Variants in ASAP3 observed in about 807,000 individuals in gnomAD.
ASAP3 encodes the protein ArfGAP with SH3 domain, ankyrin repeat and PH domain 3, also known as arf-GAP with SH3 domain, ANK repeat and PH domain-containing protein 3.
In ASAP3, 85 loss-of-function variants were observed where a neutral mutation model predicts 118.2. The observed-to-expected ratio is 0.72, with a 90% CI of 0.60 to 0.86. The LOEUF (loss-of-function observed/expected upper bound fraction) is 0.86, where lower values mean the gene tolerates loss of function less well. Among genes scored for constraint, ASAP3 ranks in the 40% least tolerant of loss-of-function variants. The pLI, the probability that ASAP3 is intolerant of heterozygous loss-of-function variation, is 0.00. For synonymous variants in ASAP3, 432 were observed against 477.4 expected (o/e 0.90, Z 1.24); for missense variants, 1,026 against 1,175.0 (o/e 0.87, Z 1.85).
At chr1:23,456,222 G>T in intron 1 of ASAP3, 28 bp from the exon 2 acceptor site, 1 of 1,608,324 alleles carries the variant, frequency 6.2e-7, no homozygotes, top group South Asian at 1.1e-5. Flanking sequence ...CAGAGGTTCA[G>T]GGATGCCAAG....
chr1:23,432,004 A>ATTT, intron 22 of ASAP3, 86 bp from the exon 23 acceptor site: 38 of 622,418 alleles, frequency 6.1e-5, no homozygotes, highest in African/African-American at 1.4e-4. Context: ...GGCCTCTAGG[A>ATTT]TTTTTTTTTT....
At chr1:23,460,782 T>C (rs1037886037) in intron 1 of ASAP3, among the ~76,000 whole-genome samples, 1 of 152,186 alleles carries the variant, frequency 6.6e-6, no homozygotes, top group Admixed American at 6.5e-5. Context: ...ATCAGCTTTA[T>C]TCATAATTAC....
chr1:23,468,882 A>G (rs1354884280), intron 1 of ASAP3, among the ~76,000 whole-genome samples: 2 of 150,510 alleles, frequency 1.3e-5, no homozygotes, highest in African/African-American at 4.9e-5. Flanking sequence ...AAAAAAAAAA[A>G]AAAAAAAAAG....
At chr1:23,458,677 C>T (rs373911114) in intron 1 of ASAP3, among the ~76,000 whole-genome samples, 6 of 151,728 alleles carry the variant, frequency 4.0e-5, no homozygotes, top group African/African-American at 1.4e-4. Context: ...GAGAACGTTT[C>T]TTTCTAAACT....
chr1:23,444,322 A>G (rs550530877), intron 5 of ASAP3, among the ~76,000 whole-genome samples: 10 of 152,284 alleles, frequency 6.6e-5, no homozygotes, highest in African/African-American at 2.4e-4. Context: ...CACGCCCAGC[A>G]GACTACCCAC....
chr1:23,484,390 T>G, upstream of ASAP3: 1 of 277,960 alleles, frequency 3.6e-6, no homozygotes, highest in Non-Finnish European at 6.4e-6. Context: ...TCAGGCCGCT[T>G]CCCCGGCCCC....
intron 1 of ASAP3, among the ~76,000 whole-genome samples, chr1:23,461,025 T>C (rs1641568967): frequency 6.6e-6 from 1 of 152,092 alleles, no homozygotes; most frequent in African/African-American, 2.4e-5. Flanking sequence ...ATGGAGACAG[T>C]AAAAAGATCA....
chr1:23,475,077 T>C (rs948136298), intron 1 of ASAP3, among the ~76,000 whole-genome samples: 1 of 152,204 alleles, frequency 6.6e-6, no homozygotes, highest in Admixed American at 6.5e-5. Context: ...GGGGACTTCC[T>C]CACTGCACAG....
chr1:23,455,242 G>T (rs180748207), intron 3 of ASAP3, among the ~76,000 whole-genome samples: 66 of 152,322 alleles, frequency 4.3e-4, no homozygotes, highest in African/African-American at 1.5e-3. Flanking sequence ...CATCCGGATC[G>T]AATGAGTGAA....
intron 10 of ASAP3, 129 bp from the exon 11 acceptor site, chr1:23,439,359 C>G: frequency 1.3e-6 from 1 of 787,022 alleles, no homozygotes; most frequent in Middle Eastern, 2.6e-4. Context: ...CTTCTCCTAA[C>G]CCTACACCCC....
chr1:23,432,608 A>G (rs900218579), intron 22 of ASAP3, among the ~76,000 whole-genome samples: 2 of 152,246 alleles, frequency 1.3e-5, no homozygotes, highest in African/African-American at 4.8e-5. Context: ...GTTCTTGAGA[A>G]CAGCCAGGCT....
chr1:23,455,748 A>T, intron 3 of ASAP3, 133 bp downstream of exon 3: 2 of 1,126,962 alleles, frequency 1.8e-6, no homozygotes, highest in South Asian at 1.5e-5. Flanking sequence ...CTGGAAAGGG[A>T]CCTCAGGTCT....
At chr1:23,444,222 A>G (rs1367808832) in intron 5 of ASAP3, among the ~76,000 whole-genome samples, 1 of 152,154 alleles carries the variant, frequency 6.6e-6, no homozygotes, top group African/African-American at 2.4e-5. Context: ...CTTGTAGCTA[A>G]GAGTAACTGG....
rs572601502 is a variant in ASAP3 at position 23,436,130 on chromosome 1, C to T, written c.1572-102G>A. On this transcript the variant is annotated intron_variant, in intron 16 of 24. Transcript: ENST00000336689. The surrounding 1 kb of genome is among the most constrained non-coding windows in gnomAD (Gnocchi z 4.2). ...ATACAGCTCTCTTTTTCTCCAGAAC[C>T]ATGTCCTGAAGACGTCTAGATCTGA... is the stretch of plus-strand genomic sequence containing the variant. The T allele has an allele frequency of 7.4e-7, 1 of 1,348,944 alleles. No homozygotes were observed. 83.6% of individuals were successfully genotyped at this position (1,348,944 alleles called of 1,614,324 possible).
chr1:23,430,992 C>A, intron 24 of ASAP3, 43 bp downstream of exon 24: 4 of 1,485,210 alleles, frequency 2.7e-6, no homozygotes, highest in Middle Eastern at 1.8e-4. Context: ...GCCTCCCAGG[C>A]ACCCTGCCAC....
chr1:23,457,776 G>T (rs1641434968), intron 1 of ASAP3, among the ~76,000 whole-genome samples: 1 of 152,198 alleles, frequency 6.6e-6, no homozygotes, highest in South Asian at 2.1e-4. Flanking sequence ...GCCTCCCAAG[G>T]TGCTGCGATT....
At chr1:23,452,553 C>T (rs1641250500) in intron 4 of ASAP3, 144 bp downstream of exon 4, 1 of 876,642 alleles carries the variant, frequency 1.1e-6, no homozygotes, top group Non-Finnish European at 1.8e-6. Flanking sequence ...GAGCCAGGTC[C>T]TCCAGACCTC....
chr1:23,452,275 C>A (rs1056096207), intron 4 of ASAP3, among the ~76,000 whole-genome samples: 8 of 152,218 alleles, frequency 5.3e-5, no homozygotes, highest in African/African-American at 1.9e-4. Context: ...CTTTGAGCTC[C>A]ACTCTGCATC....
At chr1:23,474,560 T>C (rs1642064782) in intron 1 of ASAP3, among the ~76,000 whole-genome samples, 1 of 152,062 alleles carries the variant, frequency 6.6e-6, no homozygotes, top group Non-Finnish European at 1.5e-5. Context: ...GGTGATCTTG[T>C]CCATTCCACA....
Sources: gnomAD v4.1 joint callset for allele counts (sites outside exome capture counted in the v4.1 genomes callset) on GRCh38, gnomAD v4.1.1 for gene constraint, Gnocchi (gnomAD v3.1) non-coding constraint, MANE v1.5 for transcripts, NCBI Gene and HGNC (gene_info 2026-07-23, HGNC 2026-07-21) for gene names.